The following NRG3 variants were observed in gnomAD, a reference collection of about 807,000 sequenced individuals.
The protein encoded by NRG3 is neuregulin 3, also known as pro-neuregulin-3, membrane-bound isoform.
NRG3 carries 31 observed loss-of-function variants against 66.9 expected under a neutral mutation model. That is an observed-to-expected ratio of 0.46 (90% confidence interval 0.35 to 0.63). NRG3 has a LOEUF of 0.63. NRG3 is among the 20% of genes least tolerant of loss of function. The pLI, the probability that NRG3 is intolerant of heterozygous loss-of-function variation, is 0.00. For missense variants in NRG3, 910 were observed against 878.9 expected (o/e 1.04, Z -0.45); for synonymous variants, 393 against 359.4 (o/e 1.09, Z -1.06).
At position 82,441,857 on chromosome 10, in the gene NRG3, G is replaced by A. The variant is rs2090449425; in HGVS notation, c.953+82989G>A. ...CCAGGAGGCTCTCTTACTAAACGTT[G>A]AGGATATTTGCAAGTTTTAGTCCAT... is the stretch of plus-strand genomic sequence containing the variant. On this transcript the variant is annotated intron_variant, in intron 2 of 8. Coordinates refer to ENST00000372141, the MANE Select transcript of NRG3 (RefSeq NM_001010848.4). Among the ~76,000 whole-genome samples, 3 of 152,204 alleles carry A rather than the reference G, an allele frequency of 2.0e-5. No individual in the cohort carries two copies. In the South Asian group the frequency reaches 6.2e-4, roughly 32 times the overall value.
chr10:82,981,535 G>T (rs1298962308), intron 8 of NRG3, among the ~76,000 whole-genome samples: 1 of 152,182 alleles, frequency 6.6e-6, no homozygotes, highest in Admixed American at 6.5e-5. Context: ...GCCTGGAGGA[G>T]GGGGAAATGA....
At chr10:82,892,218 G>A (rs980609560) in intron 4 of NRG3, among the ~76,000 whole-genome samples, 1 of 151,946 alleles carries the variant, frequency 6.6e-6, no homozygotes, top group Admixed American at 6.6e-5. Flanking sequence ...TTACCATGAG[G>A]AAATAGAGAT....
chr10:82,300,649 G>A (rs1292492552), intron 1 of NRG3, among the ~76,000 whole-genome samples: 1 of 152,156 alleles, frequency 6.6e-6, no homozygotes, highest in Non-Finnish European at 1.5e-5. Context: ...ATGAACTGAA[G>A]TGCGAGGAGT....
chr10:81,916,073 T>C (rs1845680324), intron 1 of NRG3, among the ~76,000 whole-genome samples: 1 of 152,212 alleles, frequency 6.6e-6, no homozygotes, highest in Admixed American at 6.5e-5. Flanking sequence ...TATTTTAAAT[T>C]CTTTTTTTAG....
chr10:82,408,072 AGAGAGAGAGAGAC>A, intron 2 of NRG3, among the ~76,000 whole-genome samples: 1 of 135,882 alleles, frequency 7.4e-6, no homozygotes, highest in South Asian at 2.3e-4. Context: ...AGAGAGAGAG[AGAGAGAGAGAGAC>A]AGAAAGAAAG....
At chr10:82,532,509 C>CA (rs1847370236) in intron 2 of NRG3, among the ~76,000 whole-genome samples, 2 of 145,916 alleles carry the variant, frequency 1.4e-5, no homozygotes, top group Non-Finnish European at 1.5e-5. Context: ...CTATATACAT[C>CA]TATATGTATA....
chr10:82,353,664 C>G (rs1050515824), intron 1 of NRG3, among the ~76,000 whole-genome samples: 3 of 152,288 alleles, frequency 2.0e-5, no homozygotes, highest in Admixed American at 6.5e-5. Flanking sequence ...ATTGCACAGT[C>G]CCTGTGGCCC....
intron 2 of NRG3, among the ~76,000 whole-genome samples, chr10:82,488,158 A>T (rs528414638): frequency 6.6e-6 from 1 of 152,344 alleles, no homozygotes; most frequent in South Asian, 2.1e-4. Flanking sequence ...TTTCAAGACC[A>T]TGGTAAACCA....
At chr10:81,984,519 C>T (rs1211476400) in intron 1 of NRG3, among the ~76,000 whole-genome samples, 1 of 152,134 alleles carries the variant, frequency 6.6e-6, no homozygotes, top group Admixed American at 6.5e-5. Context: ...CAGATTGTTT[C>T]CAAAATTTTC....
intron 1 of NRG3, among the ~76,000 whole-genome samples, chr10:82,287,417 C>T (rs1248075334): frequency 6.6e-6 from 1 of 151,972 alleles, no homozygotes; most frequent in Non-Finnish European, 1.5e-5. Context: ...GAACTGTGAG[C>T]CAATTAAACC....
At chr10:82,553,540 G>A (rs1199473081) in intron 2 of NRG3, among the ~76,000 whole-genome samples, 4 of 152,056 alleles carry the variant, frequency 2.6e-5, no homozygotes, top group Non-Finnish European at 5.9e-5. Flanking sequence ...GAAGTTGCTT[G>A]TTATTTAGGT....
intron 4 of NRG3, among the ~76,000 whole-genome samples, chr10:82,934,487 A>G (rs1421867908): frequency 1.3e-5 from 2 of 152,176 alleles, no homozygotes; most frequent in Non-Finnish European, 2.9e-5. Flanking sequence ...AGTAGCAGAC[A>G]CCTCTATTGC....
At chr10:82,650,443 C>A (rs1187562094) in intron 2 of NRG3, among the ~76,000 whole-genome samples, 2 of 151,900 alleles carry the variant, frequency 1.3e-5, no homozygotes, top group South Asian at 4.1e-4. Flanking sequence ...CAAAAAAAAA[C>A]ACCTAATGTT....
intron 2 of NRG3, among the ~76,000 whole-genome samples, chr10:82,601,880 A>C (rs964007058): frequency 6.8e-6 from 1 of 147,040 alleles, no homozygotes; most frequent in Non-Finnish European, 1.5e-5. Context: ...ATATATAACT[A>C]TATATACAAA....
intron 1 of NRG3, among the ~76,000 whole-genome samples, chr10:82,083,302 A>G (rs1357904891): frequency 6.6e-6 from 1 of 151,832 alleles, no homozygotes; most frequent in Non-Finnish European, 1.5e-5. Context: ...TAATATACAT[A>G]ATTGCTATAA....
At chr10:82,376,053 A>G (rs1045258683) in intron 2 of NRG3, among the ~76,000 whole-genome samples, 15 of 152,150 alleles carry the variant, frequency 9.9e-5, no homozygotes, top group African/African-American at 3.4e-4. Context: ...CAGACTGGCT[A>G]TCTACTCACC....
chr10:82,478,000 T>C (rs545788297), intron 2 of NRG3, among the ~76,000 whole-genome samples: 2 of 152,132 alleles, frequency 1.3e-5, no homozygotes, highest in African/African-American at 2.4e-5. Context: ...TTGTCAGAAA[T>C]CCCCAATCAA....
At chr10:82,376,660 T>A (rs2085259683) in intron 2 of NRG3, among the ~76,000 whole-genome samples, 1 of 152,194 alleles carries the variant, frequency 6.6e-6, no homozygotes, top group Non-Finnish European at 1.5e-5. Flanking sequence ...GTGGCATATT[T>A]CCCCATGGCT....
intron 1 of NRG3, among the ~76,000 whole-genome samples, chr10:82,045,393 C>T (rs1431115262): frequency 2.3e-4 from 23 of 100,538 alleles, no homozygotes; most frequent in Middle Eastern, 4.2e-3. Context: ...TCATATCCTT[C>T]GCCCACTTTT....
Sources: gnomAD v4.1 joint callset for allele counts (sites outside exome capture counted in the v4.1 genomes callset) on GRCh38, gnomAD v4.1.1 for gene constraint, MANE v1.5 for transcripts, NCBI Gene and HGNC (gene_info 2026-07-23, HGNC 2026-07-21) for gene names.